CACNA1C: variants seen among roughly 807,000 people sequenced by gnomAD.
CACNA1C encodes calcium voltage-gated channel subunit alpha1 C.
A neutral mutation model predicts 229.0 loss-of-function variants in CACNA1C; 30 were observed. The observed-to-expected ratio is 0.13, with a 90% confidence interval of 0.10 to 0.18. The LOEUF (loss-of-function observed/expected upper bound fraction) is 0.18, where lower values mean the gene tolerates loss of function less well. Ranked by LOEUF, CACNA1C falls within the 10% of genes least tolerant of loss-of-function variation. The pLI is 1.00. For missense variants in CACNA1C, 1,658 were observed against 2,845.0 expected (o/e 0.58, Z 9.49); for synonymous variants, 1,114 against 1,132.5 (o/e 0.98, Z 0.33).
intron 3 of CACNA1C, among the ~76,000 whole-genome samples, chr12:2,366,180 C>T (rs74059843): frequency 0.011 from 1,607 of 152,276 alleles, 27 homozygotes; most frequent in African/African-American, 0.037. Context: ...AGCCTCACCC[C>T]TGCCACTTAC....
Position 2,287,117 on chromosome 12 carries a change from T to A in CACNA1C, c.478-161859T>A, listed in dbSNP as rs1195500153. On this transcript the variant is annotated intron_variant, in intron 3 of 46. Transcript: ENST00000399655. The surrounding 1 kb of genome is among the most constrained non-coding windows in gnomAD (Gnocchi z 4.6). ...CTGCCCCCAGTTGACAGAGGGCTCTTTACCGTTAGGACCCCTTCTGGGTTT... is the reference window on the plus strand; with the variant it reads ...CTGCCCCCAGTTGACAGAGGGCTCTATACCGTTAGGACCCCTTCTGGGTTT... 6.6e-6 allele frequency among the ~76,000 whole-genome samples: 1 copy of A among 152,244 alleles called. No homozygotes were observed. Among genetic ancestry groups the A allele is most frequent in the Non-Finnish European group, 1.5e-5 (1 of 68,044 alleles).
intron 3 of CACNA1C, among the ~76,000 whole-genome samples, chr12:2,320,460 CAA>C (rs1014252512): frequency 3.3e-5 from 5 of 152,210 alleles, no homozygotes; most frequent in African/African-American, 9.7e-5. Context: ...GAAATATACA[CAA>C]GTCATTAAAT....
chr12:2,136,422 G>A (rs2093499592), intron 3 of CACNA1C, among the ~76,000 whole-genome samples: 1 of 151,386 alleles, frequency 6.6e-6, no homozygotes, highest in Non-Finnish European at 1.5e-5. Flanking sequence ...AGTGGAGCTG[G>A]GATTCCAGCC....
intron 3 of CACNA1C, among the ~76,000 whole-genome samples, chr12:2,138,619 G>A (rs1002251855): frequency 2.0e-5 from 3 of 150,932 alleles, no homozygotes; most frequent in Non-Finnish European, 4.4e-5. Context: ...CCTGCCCATC[G>A]GAGGAATGTT....
rs1304152479 is a variant in CACNA1C at position 2,067,473 on chromosome 12, T to TGCGCGTGTGC, written c.49+13863_49+13864insCGCGTGTGCG. 1.5e-5 allele frequency among the ~76,000 whole-genome samples: 2 copies of TGCGCGTGTGC among 131,844 alleles called. No homozygotes were observed. Among genetic ancestry groups the TGCGCGTGTGC allele is most frequent in the African/African-American group, 5.4e-5 (2 of 36,924 alleles). The allele number at this position is 131,844 out of a possible 152,430, so 86.5% of individuals were successfully genotyped here. A position where few individuals can be genotyped will look rare whatever the true frequency, so the allele number is the denominator to read the frequency against. Reference sequence around the variant, plus strand: ...ACGTGTGTGTGTGTGTGTGTGTGTGTGTGTGTGTGCGCGCGTGTGCGTGCC... The same window carrying TGCGCGTGTGC: ...ACGTGTGTGTGTGTGTGTGTGTGTGTGCGCGTGTGCGTGTGTGTGCGCGCGTGTGCGTGCC... On this transcript the variant is annotated intron_variant, in intron 1 of 46. Coordinates refer to ENST00000399655, the MANE Select transcript of CACNA1C (RefSeq NM_000719.7). The surrounding 1 kb of genome is among the most constrained non-coding windows in gnomAD (Gnocchi z 5.3).
intron 13 of CACNA1C, among the ~76,000 whole-genome samples, chr12:2,571,220 A>G (rs1004624006): frequency 6.6e-6 from 1 of 152,210 alleles, no homozygotes; most frequent in Admixed American, 6.5e-5. Flanking sequence ...TTAAAAGGCA[A>G]GGCAGGTCTG....
intron 3 of CACNA1C, among the ~76,000 whole-genome samples, chr12:2,366,519 G>A (rs1352718653): frequency 1.3e-5 from 2 of 152,138 alleles, no homozygotes; most frequent in African/African-American, 4.8e-5. Flanking sequence ...TGTTAATGAA[G>A]GGAACCATGA....
intron 3 of CACNA1C, among the ~76,000 whole-genome samples, chr12:2,316,662 G>A (rs2095706892): frequency 6.6e-6 from 1 of 152,198 alleles, no homozygotes; most frequent in Non-Finnish European, 1.5e-5. Flanking sequence ...TGGCCAAAAA[G>A]AGAAATCCCA....
intron 5 of CACNA1C, among the ~76,000 whole-genome samples, chr12:2,474,756 CA>C (rs34963749): frequency 0.024 from 2,435 of 99,820 alleles, 42 homozygotes; most frequent in African/African-American, 0.089. Flanking sequence ...AACTCCATCT[CA>C]AAAAAAAAAA....
chr12:2,062,486 C>T (rs1237621225), intron 1 of CACNA1C, among the ~76,000 whole-genome samples: 2 of 152,188 alleles, frequency 1.3e-5, no homozygotes, highest in Admixed American at 1.3e-4. Flanking sequence ...GAAAGAGAAA[C>T]CCACTATCTC....
At chr12:2,244,936 G>A (rs1297806789) in intron 3 of CACNA1C, among the ~76,000 whole-genome samples, 2 of 152,192 alleles carry the variant, frequency 1.3e-5, no homozygotes, top group Non-Finnish European at 2.9e-5. Context: ...ACCCATCGAA[G>A]CCAAGGCCTT....
intron 1 of CACNA1C, among the ~76,000 whole-genome samples, chr12:2,071,168 C>CCTGCCTGCCTG (rs1445282288): frequency 8.0e-5 from 1 of 12,562 alleles, no homozygotes; most frequent in African/African-American, 4.3e-4. Flanking sequence ...CTCCCTCCCT[C>CCTGCCTGCCTG]CCTCCCTGCC....
intron 3 of CACNA1C, among the ~76,000 whole-genome samples, chr12:2,322,102 A>G (rs2096029244): frequency 6.6e-6 from 1 of 152,206 alleles, no homozygotes. Context: ...CTTTGGGTCA[A>G]TTGAGTTGCT....
rs1430258585 is a variant in CACNA1C, at chr12:2,665,691, G to T, written c.4509G>T (p.Glu1503Asp). ...HLDEFKRIWA[E>D]YDPEAKGRIK... is the part of the protein sequence containing the mutation. ...ATGAGTTTAAAAGAATCTGGGCAGAGTATGACCCTGAAGCCAAGTAAGTTC... is the reference window on the plus strand; with the variant it reads ...ATGAGTTTAAAAGAATCTGGGCAGATTATGACCCTGAAGCCAAGTAAGTTC... Residue 1503 changes from glutamate to aspartate, a missense_variant, in exon 36 of 47, where the codon GAG (glutamate) becomes GAT (aspartate). Physicochemically the swap from Glu to Asp is conservative, Grantham distance 45. Around this residue, in one of 20 missense-constraint regions of CACNA1C, gnomAD observed 151 missense variants for 344.4 expected, o/e 0.44. Coordinates refer to ENST00000399655, the MANE Select transcript of CACNA1C (RefSeq NM_000719.7). This position sits in a 1 kb window ranked among gnomAD's most constrained non-coding sequence, Gnocchi z 5.9. 1 of 1,613,082 alleles carries T rather than the reference G, an allele frequency of 6.2e-7. No homozygotes were observed. Among genetic ancestry groups the T allele is most frequent in the Non-Finnish European group, 8.5e-7 (1 of 1,179,444 alleles).
At chr12:2,001,639 C>T (rs1490432565) in intron 1 of CACNA1C, among the ~76,000 whole-genome samples, 2 of 152,304 alleles carry the variant, frequency 1.3e-5, no homozygotes, top group East Asian at 1.9e-4. Context: ...GCACGTGAGT[C>T]ACCTATGAGG....
intron 3 of CACNA1C, among the ~76,000 whole-genome samples, chr12:2,367,253 G>A (rs1468024856): frequency 6.6e-6 from 1 of 152,212 alleles, no homozygotes; most frequent in African/African-American, 2.4e-5. Context: ...GAGCTCTTAT[G>A]AGAATCTAAT....
intron 29 of CACNA1C, among the ~76,000 whole-genome samples, chr12:2,621,829 G>A (rs766129406): frequency 6.6e-6 from 1 of 152,214 alleles, no homozygotes; most frequent in Non-Finnish European, 1.5e-5. Flanking sequence ...CCAGTTTAAA[G>A]TGAGAATGTG....
At chr12:2,171,571 T>TCCTC (rs890774552) in intron 3 of CACNA1C, among the ~76,000 whole-genome samples, 9 of 152,190 alleles carry the variant, frequency 5.9e-5, no homozygotes, top group African/African-American at 2.2e-4. Flanking sequence ...TTCTCTTCTT[T>TCCTC]CCTCCCTCCC....
intron 22 of CACNA1C, among the ~76,000 whole-genome samples, chr12:2,604,244 G>C (rs2074210825): frequency 6.6e-6 from 1 of 152,298 alleles, no homozygotes; most frequent in South Asian, 2.1e-4. Flanking sequence ...AGTGTCTATG[G>C]CTAGCCTGAG....
Sources: allele counts gnomAD v4.1 joint callset (sites outside exome capture counted in the v4.1 genomes callset), GRCh38; gene constraint gnomAD v4.1.1; regional missense constraint gnomAD v4.1.1; non-coding constraint Gnocchi (gnomAD v3.1); transcripts MANE v1.5; gene names NCBI Gene and HGNC (gene_info 2026-07-23, HGNC 2026-07-21).